Variants in KIAA0319 observed in about 807,000 individuals in gnomAD.
KIAA0319 encodes dyslexia-associated protein KIAA0319.
Under a neutral mutation model 108.4 loss-of-function variants are expected in KIAA0319, and 83 were observed. The ratio of observed to expected loss-of-function variants is 0.77; its 90% CI spans 0.64 to 0.92. The LOEUF (loss-of-function observed/expected upper bound fraction) is 0.92, where lower values mean the gene tolerates loss of function less well. KIAA0319 is among the 40% of genes least tolerant of loss of function. The probability of loss-of-function intolerance (pLI) is 0.00; values close to 1 mark genes in which losing one functional copy is unlikely to be tolerated. For synonymous variants in KIAA0319, 484 were observed against 510.4 expected (o/e 0.95, Z 0.70); for missense variants, 1,195 against 1,322.4 (o/e 0.90, Z 1.49).
At chr6:24,644,882 C>G (rs1777416953) in intron 1 of KIAA0319, among the ~76,000 whole-genome samples, 1 of 152,132 alleles carries the variant, frequency 6.6e-6, no homozygotes, top group Admixed American at 6.5e-5. Context: ...CTCTGTGACT[C>G]CTACGTCTAT....
At position 24,596,120 on chromosome 6, in the gene KIAA0319, C is replaced by A; in HGVS notation, c.554G>T (p.Trp185Leu). The A allele has an allele frequency of 6.2e-7, 1 of 1,614,174 alleles. No homozygotes were observed. Among genetic ancestry groups the A allele is most frequent in the Non-Finnish European group, 8.5e-7 (1 of 1,180,030 alleles). Residue 185 changes from tryptophan (W) to leucine (L), a missense_variant, in exon 3 of 21, where the codon TGG becomes TTG. By Grantham distance (61) the Trp-to-Leu change is moderately conservative. Transcript: ENST00000378214. The stretch of plus-strand genomic sequence containing the variant: ...CCCCTCGCTGCCCGGCAGTAGGCCC[C>A]AGTCCGTGTACTCGGCACTCCCTCT... The part of the protein sequence containing the change: ...EPRGSAEYTD[W>L]GLLPGSEGAF...
intron 4 of KIAA0319, among the ~76,000 whole-genome samples, chr6:24,587,395 C>T (rs1183194680): frequency 2.0e-5 from 3 of 152,208 alleles, no homozygotes; most frequent in East Asian, 3.9e-4. Context: ...ATTCTCCTGC[C>T]TCAGCCTCCC....
At chr6:24,637,378 A>G (rs1308547259) in intron 1 of KIAA0319, among the ~76,000 whole-genome samples, 1 of 152,210 alleles carries the variant, frequency 6.6e-6, no homozygotes, top group Non-Finnish European at 1.5e-5. Flanking sequence ...GCGACTTTTC[A>G]AGAGTTTCAA....
chr6:24,586,344 CA>C (rs1365962855), intron 4 of KIAA0319, among the ~76,000 whole-genome samples: 1 of 152,184 alleles, frequency 6.6e-6, no homozygotes. Context: ...GAAGAAACAG[CA>C]GACCAAGAGG....
intron 1 of KIAA0319, among the ~76,000 whole-genome samples, chr6:24,625,247 AC>A (rs1430508794): frequency 6.6e-6 from 1 of 152,252 alleles, no homozygotes; most frequent in Non-Finnish European, 1.5e-5. Flanking sequence ...GTATAAATTT[AC>A]ATGAATTAAA....
At chr6:24,598,096 C>A (rs1770014224) in intron 2 of KIAA0319, 1 of 441,022 alleles carries the variant, frequency 2.3e-6, no homozygotes, top group Non-Finnish European at 4.3e-6. Flanking sequence ...CACAAGCTGG[C>A]CTGGTGCCAG....
At chr6:24,640,578 G>C (rs539425350) in intron 1 of KIAA0319, among the ~76,000 whole-genome samples, 14 of 152,252 alleles carry the variant, frequency 9.2e-5, no homozygotes, top group African/African-American at 3.4e-4. Flanking sequence ...TTTAGTAGGT[G>C]GTGGGGGCAT....
intron 14 of KIAA0319, among the ~76,000 whole-genome samples, chr6:24,565,052 C>T (rs1464409072): frequency 6.6e-6 from 1 of 151,910 alleles, no homozygotes; most frequent in Non-Finnish European, 1.5e-5. Flanking sequence ...TCGAGAACAT[C>T]CTGGCTAACA....
intron 14 of KIAA0319, among the ~76,000 whole-genome samples, chr6:24,565,752 CAAAAAAAAA>C (rs71542686): frequency 1.6e-5 from 1 of 62,716 alleles, no homozygotes; most frequent in African/African-American, 5.9e-5. Flanking sequence ...GACTCCATCT[CAAAAAAAAA>C]AAAAAAAAAA....
intron 1 of KIAA0319, among the ~76,000 whole-genome samples, chr6:24,643,328 C>A (rs758137876): frequency 6.6e-6 from 1 of 151,994 alleles, no homozygotes; most frequent in African/African-American, 2.4e-5. Flanking sequence ...AGAAAAATAA[C>A]CTACACTATT....
chr6:24,568,085 C>T (rs564630909), intron 13 of KIAA0319, among the ~76,000 whole-genome samples: 103 of 152,316 alleles, frequency 6.8e-4, no homozygotes, highest in Middle Eastern at 6.8e-3. Flanking sequence ...TAAGCATGGC[C>T]CGTGGCACAT....
At chr6:24,571,713 A>T (rs1764752261) in intron 11 of KIAA0319, among the ~76,000 whole-genome samples, 1 of 152,168 alleles carries the variant, frequency 6.6e-6, no homozygotes, top group Non-Finnish European at 1.5e-5. Flanking sequence ...GCCCACGCAT[A>T]CTGTTCCCTC....
intron 13 of KIAA0319, among the ~76,000 whole-genome samples, chr6:24,567,932 C>T (rs1764126663): frequency 6.6e-6 from 1 of 152,140 alleles, no homozygotes; most frequent in Non-Finnish European, 1.5e-5. Context: ...AGTCAAGATG[C>T]CTGTTCAGAC....
Position 24,568,863 on chromosome 6 carries a change from C to T in KIAA0319, c.2058G>A (p.Val686=). The T allele has an allele frequency of 1.9e-6, 3 of 1,614,168 alleles. No individual in the cohort carries two copies. Among genetic ancestry groups the T allele is most frequent in the Non-Finnish European group, 2.5e-6 (3 of 1,180,008 alleles). The change falls in exon 13 of 21, where the codon GTG becomes GTA. Residue 686 remains valine, a synonymous_variant. Coordinates refer to ENST00000378214, the MANE Select transcript of KIAA0319 (RefSeq NM_014809.4). ...KAIATVTGLQ[V]GTYHFRLTVK... ...CTGTCAAACGGAAGTGGTAGGTCCC[C>T]ACCTGGAGACCAGTCACAGTGGCTA...
downstream of KIAA0319, among the ~76,000 whole-genome samples, chr6:24,542,311 C>T (rs147813959): frequency 9.7e-4 from 147 of 152,212 alleles, no homozygotes; most frequent in African/African-American, 3.4e-3. Context: ...ACTACAATAC[C>T]CCATTCCCAT....
chr6:24,625,033 C>A (rs1466565278), intron 1 of KIAA0319, among the ~76,000 whole-genome samples: 2 of 152,168 alleles, frequency 1.3e-5, no homozygotes, highest in African/African-American at 2.4e-5. Flanking sequence ...CCACTGCATG[C>A]CAGCATGGGC....
chr6:24,566,094 G>A (rs1005172193), intron 14 of KIAA0319, among the ~76,000 whole-genome samples: 10 of 152,200 alleles, frequency 6.6e-5, no homozygotes, highest in African/African-American at 2.4e-4. Flanking sequence ...ACATTCTAAT[G>A]TAGAAGCATA....
chr6:24,644,460 T>C (rs919994028), intron 1 of KIAA0319, among the ~76,000 whole-genome samples: 1 of 152,224 alleles, frequency 6.6e-6, no homozygotes, highest in Non-Finnish European at 1.5e-5. Flanking sequence ...GGAACTTAAC[T>C]CTTGTTTATA....
At chr6:24,560,906 G>A (rs932094148) in intron 16 of KIAA0319, among the ~76,000 whole-genome samples, 1 of 152,228 alleles carries the variant, frequency 6.6e-6, no homozygotes, top group Non-Finnish European at 1.5e-5. Context: ...TTGGTGGGGG[G>A]CAGGGGGTGG....
Sources: allele counts gnomAD v4.1 joint callset (sites outside exome capture counted in the v4.1 genomes callset), GRCh38; gene constraint gnomAD v4.1.1; transcripts MANE v1.5; gene names NCBI Gene and HGNC (gene_info 2026-07-23, HGNC 2026-07-21).